Variants in NXPE2 observed in about 807,000 individuals in gnomAD.
The protein encoded by NXPE2 is NXPE family member 2.
NXPE2 carries 34 observed loss-of-function variants against 34.4 expected under a neutral mutation model. The observed-to-expected ratio is 0.99, with a 90% CI of 0.75 to 1.31. NXPE2 has a LOEUF of 1.31. Among genes scored for constraint, NXPE2 ranks in the 40% most tolerant of loss-of-function variants. The probability of loss-of-function intolerance (pLI) is 0.00; values close to 1 mark genes in which losing one functional copy is unlikely to be tolerated. For missense variants in NXPE2, 649 were observed against 672.5 expected (o/e 0.97, Z 0.39); for synonymous variants, 235 against 231.3 (o/e 1.02, Z -0.15).
the NXPE2 span, among the ~76,000 whole-genome samples, chr11:114,630,913 A>T: frequency 6.6e-6 from 1 of 151,826 alleles, no homozygotes; most frequent in Non-Finnish European, 1.5e-5. Flanking sequence ...GCCAAAAAAC[A>T]CATGAAAAAA....
the NXPE2 span, among the ~76,000 whole-genome samples, chr11:114,664,072 G>A: frequency 6.6e-6 from 1 of 152,122 alleles, no homozygotes; most frequent in Non-Finnish European, 1.5e-5. Flanking sequence ...AAGTTTATAC[G>A]TGATTATTTA....
chr11:114,586,554 C>A, the NXPE2 span, among the ~76,000 whole-genome samples: 5 of 152,172 alleles, frequency 3.3e-5, no homozygotes, highest in African/African-American at 1.2e-4. Flanking sequence ...CTAATCCCCC[C>A]ATGTCCTCAG....
At chr11:114,676,257 G>A (rs1175872762), upstream of NXPE2, among the ~76,000 whole-genome samples, 3 of 151,704 alleles carry the variant, frequency 2.0e-5, no homozygotes, top group Non-Finnish European at 4.4e-5. Flanking sequence ...GACAAAATGA[G>A]ATTACATCAA....
the NXPE2 span, among the ~76,000 whole-genome samples, chr11:114,738,688 C>A: frequency 3.3e-5 from 5 of 152,160 alleles, no homozygotes; most frequent in African/African-American, 4.8e-5. Context: ...GTACCCATTC[C>A]TCCATGTCAG....
At chr11:114,707,391 C>T (rs907519446), downstream of NXPE2, 41 of 415,160 alleles carry the variant, frequency 9.9e-5, no homozygotes, top group African/African-American at 2.8e-4. Context: ...CCACCATGCC[C>T]GGCATTATTT....
At chr11:114,797,186 G>T in the NXPE2 span, among the ~76,000 whole-genome samples, 1 of 152,140 alleles carries the variant, frequency 6.6e-6, no homozygotes, top group Non-Finnish European at 1.5e-5. Flanking sequence ...CTAGGCTATG[G>T]GTTCCATGGG....
the NXPE2 span, among the ~76,000 whole-genome samples, chr11:114,593,133 A>G: frequency 6.6e-6 from 1 of 151,990 alleles, no homozygotes; most frequent in Non-Finnish European, 1.5e-5. Flanking sequence ...ATTTTTGGAT[A>G]AGACCTCAAA....
the NXPE2 span, among the ~76,000 whole-genome samples, chr11:114,755,129 G>T: frequency 7.2e-5 from 11 of 152,108 alleles, no homozygotes; most frequent in African/African-American, 2.7e-4. Context: ...ATAGTGTTTT[G>T]CTATGAAGAG....
At chr11:114,664,027 C>G in the NXPE2 span, among the ~76,000 whole-genome samples, 166 of 152,250 alleles carry the variant, frequency 1.1e-3, no homozygotes, top group Non-Finnish European at 2.1e-3. Context: ...CACAGCAATG[C>G]CACACCAGAG....
chr11:114,565,145 A>G, the NXPE2 span, among the ~76,000 whole-genome samples: 1 of 152,190 alleles, frequency 6.6e-6, no homozygotes, highest in Non-Finnish European at 1.5e-5. Flanking sequence ...GAAAAACATA[A>G]TTTGTCCTTA....
the NXPE2 span, among the ~76,000 whole-genome samples, chr11:114,505,904 C>T: frequency 1.3e-5 from 2 of 151,926 alleles, no homozygotes; most frequent in East Asian, 3.9e-4. Flanking sequence ...GGCTAAATGC[C>T]CCATTTAAAA....
the NXPE2 span, among the ~76,000 whole-genome samples, chr11:114,548,081 A>G: frequency 6.6e-6 from 1 of 152,198 alleles, no homozygotes; most frequent in Non-Finnish European, 1.5e-5. Flanking sequence ...TTCATAACCA[A>G]AAAAGTATTA....
At chr11:114,600,553 T>C in the NXPE2 span, among the ~76,000 whole-genome samples, 2 of 152,092 alleles carry the variant, frequency 1.3e-5, no homozygotes, top group Non-Finnish European at 2.9e-5. Flanking sequence ...TGAGTGACGT[T>C]CTACAAAATA....
At chr11:114,655,501 A>G in the NXPE2 span, among the ~76,000 whole-genome samples, 15 of 152,248 alleles carry the variant, frequency 9.9e-5, no homozygotes, top group East Asian at 2.9e-3. Context: ...GAATTTTTGT[A>G]TAAGGTGTAA....
the NXPE2 span, among the ~76,000 whole-genome samples, chr11:114,561,277 C>T: frequency 6.6e-6 from 1 of 152,214 alleles, no homozygotes. Flanking sequence ...ACTACTATCA[C>T]CACCCCAACT....
chr11:114,651,350 A>T, the NXPE2 span, among the ~76,000 whole-genome samples: 1 of 151,234 alleles, frequency 6.6e-6, no homozygotes, highest in Non-Finnish European at 1.5e-5. Flanking sequence ...GCACGTCCGG[A>T]GTTGTTTGTT....
the NXPE2 span, among the ~76,000 whole-genome samples, chr11:114,757,770 G>T: frequency 1.3e-5 from 2 of 152,064 alleles, no homozygotes; most frequent in Non-Finnish European, 2.9e-5. Context: ...AATAGTTGGG[G>T]TTCTTAGACT....
At chr11:114,598,462 T>G in the NXPE2 span, among the ~76,000 whole-genome samples, 1 of 152,248 alleles carries the variant, frequency 6.6e-6, no homozygotes, top group South Asian at 2.1e-4. Flanking sequence ...ACTGCCCTAG[T>G]AGAGGTTATC....
the NXPE2 span, among the ~76,000 whole-genome samples, chr11:114,657,595 AT>A: frequency 6.6e-6 from 1 of 152,198 alleles, no homozygotes; most frequent in Non-Finnish European, 1.5e-5. Flanking sequence ...GGAAGGATGT[AT>A]ATTTATATAT....
Sources: gnomAD v4.1 joint callset for allele counts (sites outside exome capture counted in the v4.1 genomes callset) on GRCh38, gnomAD v4.1.1 for gene constraint, MANE v1.5 for transcripts, NCBI Gene and HGNC (gene_info 2026-07-23, HGNC 2026-07-21) for gene names.